Variants in GALNT7 observed in about 807,000 individuals in gnomAD.
The protein encoded by GALNT7 is N-acetylgalactosaminyltransferase 7.
Under a neutral mutation model 82.1 loss-of-function variants are expected in GALNT7, and 60 were observed. The ratio of observed to expected loss-of-function variants is 0.73; its 90% CI spans 0.59 to 0.91. GALNT7 has a LOEUF of 0.91. GALNT7 is among the 40% of genes least tolerant of loss of function. GALNT7 has a pLI of 0.00. For missense variants in GALNT7, 660 were observed against 804.2 expected (o/e 0.82, Z 2.17); for synonymous variants, 243 against 275.1 (o/e 0.88, Z 1.15).
Position 173,288,282 on chromosome 4 carries a change from C to CAAAAAAAAAAAAAA in GALNT7, c.588-3816_588-3803dup, listed in dbSNP as rs70944442. On this transcript the variant is annotated intron_variant, in intron 2 of 11. Coordinates refer to ENST00000265000, the MANE Select transcript of GALNT7 (RefSeq NM_017423.3). ...TGGGCGACAGAGCGAGACTCCATCT[C>CAAAAAAAAAAAAAA]AAAAAAAAAAAAAAAAAAAAAAAGA... Among the ~76,000 whole-genome samples, 63 of 62,966 alleles carry CAAAAAAAAAAAAAA rather than the reference C, an allele frequency of 1.0e-3. 1 individual carries two copies. Among genetic ancestry groups the CAAAAAAAAAAAAAA allele is most frequent in the African/African-American group, 4.0e-3 (46 of 11,448 alleles). The allele number at this position is 62,966 out of a possible 152,430, so 41.3% of individuals were successfully genotyped here.
At chr4:173,199,755 C>T (rs13138282) in intron 1 of GALNT7, among the ~76,000 whole-genome samples, 37,543 of 151,998 alleles carry the variant, frequency 0.25, 5,344 homozygotes, top group Admixed American at 0.34. Flanking sequence ...CCAGTTTGGG[C>T]GGCGGGTGGT....
intron 1 of GALNT7, among the ~76,000 whole-genome samples, chr4:173,179,331 A>G (rs1463057759): frequency 6.6e-6 from 1 of 152,118 alleles, no homozygotes; most frequent in Non-Finnish European, 1.5e-5. Context: ...TTCTCCTTTA[A>G]CTTTTAGTTT....
chr4:173,291,194 G>A (rs1199125082), intron 2 of GALNT7, among the ~76,000 whole-genome samples: 1 of 152,070 alleles, frequency 6.6e-6, no homozygotes, highest in African/African-American at 2.4e-5. Context: ...CAGTAGTTAG[G>A]GTCAGAAGAA....
At chr4:173,285,092 C>T (rs1736276091) in intron 2 of GALNT7, among the ~76,000 whole-genome samples, 6 of 152,186 alleles carry the variant, frequency 3.9e-5, no homozygotes, top group African/African-American at 1.4e-4. Context: ...ACAGTCTTTT[C>T]ACAATTTGCT....
intron 2 of GALNT7, among the ~76,000 whole-genome samples, chr4:173,260,567 T>C (rs1735222640): frequency 6.6e-6 from 1 of 152,208 alleles, no homozygotes; most frequent in East Asian, 1.9e-4. Context: ...AGGCAAGAGT[T>C]GTGGTGGGGC....
At chr4:173,193,181 TACC>T (rs989125031) in intron 1 of GALNT7, among the ~76,000 whole-genome samples, 34 of 152,360 alleles carry the variant, frequency 2.2e-4, no homozygotes, top group African/African-American at 8.2e-4. Flanking sequence ...CTTCTAATAT[TACC>T]ATGAGACGTG....
At chr4:173,170,785 A>G (rs2126612219) in intron 1 of GALNT7, among the ~76,000 whole-genome samples, 1 of 152,372 alleles carries the variant, frequency 6.6e-6, no homozygotes. Context: ...CGAAAAACTG[A>G]CAAAACTAGC....
At chr4:173,251,397 T>A (rs949483152) in intron 2 of GALNT7, among the ~76,000 whole-genome samples, 17 of 152,218 alleles carry the variant, frequency 1.1e-4, no homozygotes, top group Non-Finnish European at 1.5e-5. Flanking sequence ...TTATTAGCTG[T>A]TTTTACTGCT....
chr4:173,169,583 C>G (rs1347044328), intron 1 of GALNT7: 11 of 151,610 alleles, frequency 7.3e-5, no homozygotes, highest in Non-Finnish European at 7.4e-5. Flanking sequence ...GCGCCTCCCC[C>G]TCAACTCCGG....
At chr4:173,315,483 G>A (rs1248928594) in intron 9 of GALNT7, among the ~76,000 whole-genome samples, 1 of 152,148 alleles carries the variant, frequency 6.6e-6, no homozygotes, top group Non-Finnish European at 1.5e-5. Flanking sequence ...CCATCAGCAG[G>A]TAGGTCGTTT....
rs370263837 is a variant in GALNT7, at chr4:173,302,193, C to A, written c.1266+29C>A. On this transcript the variant is annotated intron_variant, in intron 7 of 11. Coordinates refer to ENST00000265000, the MANE Select transcript of GALNT7 (RefSeq NM_017423.3). The surrounding 1 kb of genome is among the most constrained non-coding windows in gnomAD (Gnocchi z 4.2). ...ACATTTTATTTCAACAGATGGAATT[C>A]TCCAAGTCGTTACTAACTTCTGTGG... 5.1e-5 allele frequency: 50 copies of A among 983,956 alleles called. No homozygotes were observed. Among genetic ancestry groups the A allele is most frequent in the Middle Eastern group, 4.1e-4 (2 of 4,890 alleles). The allele number at this position is 983,956 out of a possible 1,614,324, so 61.0% of individuals were successfully genotyped here.
intron 2 of GALNT7, among the ~76,000 whole-genome samples, chr4:173,248,969 C>T (rs968680698): frequency 6.6e-6 from 1 of 152,024 alleles, no homozygotes; most frequent in Admixed American, 6.6e-5. Context: ...GAAATTGAAA[C>T]ACTTTACTAT....
At chr4:173,214,656 C>A (rs150793180) in intron 1 of GALNT7, among the ~76,000 whole-genome samples, 145 of 152,322 alleles carry the variant, frequency 9.5e-4, no homozygotes, top group African/African-American at 3.3e-3. Context: ...AGAGCTGTTT[C>A]AACCACTAGT....
rs1234383458 is a variant in GALNT7 at position 173,178,045 on chromosome 4, GTGTGTGTGCGCGCA to G, written c.126+9085_126+9098del. Among the ~76,000 whole-genome samples the G allele has an allele frequency of 5.6e-3, 680 of 122,358 alleles. 2 individuals carry two copies. Among genetic ancestry groups the G allele is most frequent in the Non-Finnish European group, 8.0e-3 (474 of 59,364 alleles). 80.3% of individuals were successfully genotyped at this position (122,358 alleles called of 152,430 possible). ...TGTGTGTGTGTGTGTGTGTGTGTGTGTGTGTGTGCGCGCACGCGCGTGCGCACAGACACCTATGT... is the reference window on the plus strand; with the variant it reads ...TGTGTGTGTGTGTGTGTGTGTGTGTGCGCGCGTGCGCACAGACACCTATGT... On this transcript the variant is annotated intron_variant, in intron 1 of 11. Transcript: ENST00000265000.
intron 1 of GALNT7, among the ~76,000 whole-genome samples, chr4:173,176,021 G>T (rs1177546426): frequency 6.6e-6 from 1 of 151,976 alleles, no homozygotes; most frequent in African/African-American, 2.4e-5. Flanking sequence ...TGCAGTAAGT[G>T]GAGCTCGCGC....
At position 173,224,753 on chromosome 4, in the gene GALNT7, C is replaced by T. The variant is rs10007279; in HGVS notation, c.127-23227C>T. Among the ~76,000 whole-genome samples the T allele has an allele frequency of 2.5e-3, 382 of 152,110 alleles. 2 individuals carry two copies. Among genetic ancestry groups the T allele is most frequent in the African/African-American group, 8.8e-3 (364 of 41,508 alleles). ...ATTGGCCGGGCGCGGTGGCTCACGC[C>T]TGTAATCCCAGCACTTTGGGAGGCC... On this transcript the variant is annotated intron_variant, in intron 1 of 11. Transcript: ENST00000265000.
intron 11 of GALNT7, among the ~76,000 whole-genome samples, chr4:173,321,176 A>G (rs563742895): frequency 6.6e-6 from 1 of 152,248 alleles, no homozygotes; most frequent in South Asian, 2.1e-4. Flanking sequence ...AGGAATATAA[A>G]CCAGAGACAT....
intron 1 of GALNT7, among the ~76,000 whole-genome samples, chr4:173,220,567 C>G (rs1037508097): frequency 6.6e-6 from 1 of 151,930 alleles, no homozygotes; most frequent in Admixed American, 6.6e-5. Flanking sequence ...TAGTTACATA[C>G]GTATACATGT....
chr4:173,224,794 C>CGT (rs1351281975), intron 1 of GALNT7, among the ~76,000 whole-genome samples: 3 of 151,588 alleles, frequency 2.0e-5, no homozygotes, highest in Non-Finnish European at 2.9e-5. Context: ...GGGCGGATCA[C>CGT]GAGGTCAGGA....
Sources: allele counts gnomAD v4.1 joint callset (sites outside exome capture counted in the v4.1 genomes callset), GRCh38; gene constraint gnomAD v4.1.1; non-coding constraint Gnocchi (gnomAD v3.1); transcripts MANE v1.5; gene names NCBI Gene and HGNC (gene_info 2026-07-23, HGNC 2026-07-21).